Variants in RAVER1 observed in about 807,000 individuals in gnomAD.
The protein encoded by RAVER1 is ribonucleoprotein PTB-binding 1.
RAVER1 carries 36 observed loss-of-function variants against 68.4 expected under a neutral mutation model. The ratio of observed to expected loss-of-function variants is 0.53; its 90% CI spans 0.40 to 0.70. The LOEUF is 0.70. Ranked by LOEUF, RAVER1 falls within the 30% of genes least tolerant of loss-of-function variation. The probability of loss-of-function intolerance (pLI) is 0.00; values close to 1 mark genes in which losing one functional copy is unlikely to be tolerated. For synonymous variants in RAVER1, 469 were observed against 472.7 expected, an observed-to-expected ratio of 0.99 and a Z score of 0.10; for missense variants, 933 against 1,019.8, an observed-to-expected ratio of 0.91 and a Z score of 1.16.
At chr19:10,331,874 G>A (rs1013202491) in intron 1 of RAVER1, among the ~76,000 whole-genome samples, 1 of 152,110 alleles carries the variant, frequency 6.6e-6, no homozygotes, top group African/African-American at 2.4e-5. Context: ...GTTGGGCAGC[G>A]CAGCCACCCA....
In RAVER1 at chr19:10,328,080, C is replaced by T. The variant is rs1463356629; in HGVS notation, c.756+562G>A. ...AAAGCCTCAGTCTCTGACCTCAAGG[C>T]TCAAATAGACTGTGGGCTCCTCTGC... On this transcript the variant is annotated intron_variant, in intron 3 of 12. Transcript: ENST00000617231. The surrounding 1 kb of genome is among the most constrained non-coding windows in gnomAD (Gnocchi z 4.4). 6.6e-6 allele frequency among the ~76,000 whole-genome samples: 1 copy of T among 152,172 alleles called. No homozygotes were observed. The highest frequency in any genetic ancestry group is 1.5e-5 in the Non-Finnish European group (1 of 68,026).
chr19:10,320,798 G>C lies in RAVER1; in HGVS notation c.1627C>G (p.Pro543Ala), dbSNP rs763831915. 3 of 1,517,366 alleles carry C rather than the reference G, an allele frequency of 2.0e-6. No individual in the cohort carries two copies. Among genetic ancestry groups the C allele is most frequent in the African/African-American group, 2.9e-5 (2 of 69,088 alleles). 94.0% of individuals were successfully genotyped at this position (1,517,366 alleles called of 1,614,324 possible). Residue 543 changes from proline (P) to alanine (A), a missense_variant, in exon 9 of 13, where the codon CCA becomes GCA. Physicochemically the swap from Pro to Ala is conservative, Grantham distance 27. Around this residue, in one of 3 missense-constraint regions of RAVER1, gnomAD observed 699 missense variants for 731.1 expected, o/e 0.96. Coordinates refer to ENST00000617231, the MANE Select transcript of RAVER1 (RefSeq NM_133452.3). ...GRSRRPAEGPPTNPPAPGGGS... is the reference protein window; with the variant it reads ...GRSRRPAEGPATNPPAPGGGS... ...CCTCCAGGGGCTGGGGGGTTAGTTG[G>C]GGGGCCCTCAGCTGGGCGGCGGCTT... is the stretch of plus-strand genomic sequence containing the variant.
rs1440055682 is a variant in RAVER1, at chr19:10,322,168, C to G, written c.1173+477G>C. 5.9e-6 allele frequency: 1 copy of G among 169,164 alleles called. No individual in the cohort carries two copies. Among genetic ancestry groups the G allele is most frequent in the African/African-American group, 2.4e-5 (1 of 41,714 alleles). The allele number at this position is 169,164 out of a possible 1,614,324, so 10.5% of individuals were successfully genotyped here. ...CTTATGTCTTTGTGTGTCTATGTCT[C>G]TGTGTGTATATTTGCATCTTTGTAT... is the stretch of plus-strand genomic sequence containing the variant. On this transcript the variant is annotated intron_variant, in intron 6 of 12. Coordinates refer to ENST00000617231, the MANE Select transcript of RAVER1 (RefSeq NM_133452.3). This position sits in a 1 kb window ranked among gnomAD's most constrained non-coding sequence, Gnocchi z 4.3.
chr19:10,321,705 C>T (rs1264344278), intron 6 of RAVER1, 87 bp from the exon 7 acceptor site: 21 of 1,122,616 alleles, frequency 1.9e-5, no homozygotes, highest in Non-Finnish European at 2.0e-5. Context: ...GGCAGACACA[C>T]CCCAACTCCA....
rs369186240 is a variant in RAVER1, at chr19:10,330,451, C to T, written c.286+9G>A. 5 of 1,434,470 alleles carry T rather than the reference C, an allele frequency of 3.5e-6. No individual in the cohort carries two copies. The highest frequency in any genetic ancestry group is 4.8e-6 in the Non-Finnish European group (5 of 1,032,892). 88.9% of individuals were successfully genotyped at this position (1,434,470 alleles called of 1,614,324 possible). A position where few individuals can be genotyped will look rare whatever the true frequency, so the allele number is the denominator to read the frequency against. On this transcript the variant is annotated intron_variant, in intron 2 of 12. Coordinates refer to ENST00000617231, the MANE Select transcript of RAVER1 (RefSeq NM_133452.3). ...TCCCTGCCCTGGCCCGCCCCATGGC[C>T]CCACAAACCTGTCCCTTTGTATTTG... is the stretch of plus-strand genomic sequence containing the variant.
rs183433912 is a variant in RAVER1, at chr19:10,321,234, C to A, written c.1287G>T (p.Pro429=). Residue 429 remains proline, a synonymous_variant, in exon 8 of 13, where the codon CCG becomes CCT. Transcript: ENST00000617231. ...PAGGGLPPEL[P]PRRGKPPPLL... Reference sequence around the variant, plus strand: ...GGGGTGGTGGCTTCCCTCGCCGGGGCGGCAGCTCCGGGGGCAGGCCCCCTC... The same window carrying A: ...GGGGTGGTGGCTTCCCTCGCCGGGGAGGCAGCTCCGGGGGCAGGCCCCCTC... 9.4e-6 allele frequency: 12 copies of A among 1,269,888 alleles called. No homozygotes were observed. Among genetic ancestry groups the A allele is most frequent in the Non-Finnish European group, 1.2e-5 (12 of 1,004,752 alleles). 78.7% of individuals were successfully genotyped at this position (1,269,888 alleles called of 1,614,324 possible). A position where few individuals can be genotyped will look rare whatever the true frequency, so the allele number is the denominator to read the frequency against.
Position 10,319,174 on chromosome 19 carries a change from G to T in RAVER1, c.1837C>A (p.Arg613=). 15 of 1,613,816 alleles carry T rather than the reference G, an allele frequency of 9.3e-6. No homozygotes were observed. Among genetic ancestry groups the T allele is most frequent in the Non-Finnish European group, 1.3e-5 (15 of 1,179,754 alleles). ...TACCAGGTGGCTCTTACCTTGTGTC[G>T]GCTGGGTCCGTGAGGCCCAAGGGCT... ...EPALGPHGPS[R]HKMSPPPSGF... is the part of the protein sequence containing the mutation. Residue 613 remains arginine (R), a synonymous_variant, in exon 10 of 13, where the codon CGA becomes AGA. Transcript: ENST00000617231.
chr19:10,333,461 T>A lies in RAVER1; in HGVS notation c.47A>T (p.Lys16Met), dbSNP rs550910522. 1 of 1,611,808 alleles carries A rather than the reference T, an allele frequency of 6.2e-7. No homozygotes were observed. Among genetic ancestry groups the A allele is most frequent in the South Asian group, 1.1e-5 (1 of 91,064 alleles). The change falls in exon 1 of 13, where the codon AAG (lysine) becomes ATG (methionine). Residue 16 changes from lysine to methionine, a missense_variant. Lys to Met is a moderately conservative substitution (Grantham distance 95). Transcript: ENST00000617231. This position sits in a 1 kb window ranked among gnomAD's most constrained non-coding sequence, Gnocchi z 4.2. ...SVTHRPPLSP[K>M]SGAEVEAGDA... ...GCCGGCTTCGACTTCGGCCCCAGAC[T>A]TAGGGCTCAGCGGGGGCCGGTGAGT...
chr19:10,326,283 G>A (rs10451495), intron 3 of RAVER1, among the ~76,000 whole-genome samples: 3 of 152,294 alleles, frequency 2.0e-5, no homozygotes, highest in African/African-American at 7.2e-5. Context: ...ATAAAAGAAA[G>A]GTGAGGCCAT....
rs755219404 is a variant in RAVER1 at position 10,323,498 on chromosome 19, C to T, written c.825G>A (p.Ala275=). 5.0e-6 allele frequency: 8 copies of T among 1,609,434 alleles called. No individual in the cohort carries two copies. Among genetic ancestry groups the T allele is most frequent in the Admixed American group, 1.7e-5 (1 of 59,996 alleles). The change falls in exon 4 of 13, where the codon GCG becomes GCA. Residue 275 remains alanine, a synonymous_variant. Transcript: ENST00000617231. The surrounding 1 kb of genome is among the most constrained non-coding windows in gnomAD (Gnocchi z 6.2). ...AVLEYETAEM[A]EEAQQQADGL... is the part of the protein sequence containing the mutation. ...CGTCCGCCTGCTGCTGTGCCTCCTCCGCCATCTCAGCCGTCTCATACTCCA... is the reference window on the plus strand; with the variant it reads ...CGTCCGCCTGCTGCTGTGCCTCCTCTGCCATCTCAGCCGTCTCATACTCCA...
chr19:10,319,041 T>C, intron 10 of RAVER1, 125 bp downstream of exon 10: 3 of 854,232 alleles, frequency 3.5e-6, no homozygotes, highest in Non-Finnish European at 5.5e-6. Context: ...TGAGATCCTG[T>C]CTTAAAAAAA....
In RAVER1 at chr19:10,322,780, C is replaced by A; in HGVS notation, c.1079-41G>T. The A allele has an allele frequency of 8.4e-7, 1 of 1,193,532 alleles. No homozygotes were observed. The highest frequency in any genetic ancestry group is 1.1e-6 in the Non-Finnish European group (1 of 888,788). The allele number at this position is 1,193,532 out of a possible 1,614,324, so 73.9% of individuals were successfully genotyped here. A position where few individuals can be genotyped will look rare whatever the true frequency, so the allele number is the denominator to read the frequency against. On this transcript the variant is annotated intron_variant, in intron 5 of 12. Transcript: ENST00000617231. The surrounding 1 kb of genome is among the most constrained non-coding windows in gnomAD (Gnocchi z 4.3). Reference sequence around the variant, plus strand: ...GGAGGATGTGTGGGGGTCCCTGTGTCCTCCCTGCCCCACCTCACGAAACAC... The same window carrying A: ...GGAGGATGTGTGGGGGTCCCTGTGTACTCCCTGCCCCACCTCACGAAACAC...
intron 3 of RAVER1, among the ~76,000 whole-genome samples, chr19:10,327,247 G>A (rs370863911): frequency 8.5e-5 from 13 of 152,098 alleles, no homozygotes; most frequent in African/African-American, 2.9e-4. Flanking sequence ...CTGGGGGTCC[G>A]AGCCCAGGAC....
intron 1 of RAVER1, among the ~76,000 whole-genome samples, chr19:10,331,390 C>CAAAAAAA (rs1568314187): frequency 1.3e-4 from 4 of 31,752 alleles, no homozygotes; most frequent in African/African-American, 5.4e-4. Flanking sequence ...AAAATAACAA[C>CAAAAAAA]AACAAAAAAA....
In RAVER1 at chr19:10,323,005, G is replaced by T; in HGVS notation, c.1078+140C>A. 1.4e-6 allele frequency: 1 copy of T among 739,612 alleles called. No individual in the cohort carries two copies. Among genetic ancestry groups the T allele is most frequent in the Non-Finnish European group, 2.1e-6 (1 of 467,294 alleles). 45.8% of individuals were successfully genotyped at this position (739,612 alleles called of 1,614,324 possible). A position where few individuals can be genotyped will look rare whatever the true frequency, so the allele number is the denominator to read the frequency against. ...CCAGTTGTGGACAGCAGCAGCCCCC[G>T]CTATGACTCCATACTCCCCCTCGGC... On this transcript the variant is annotated intron_variant, in intron 5 of 12. Coordinates refer to ENST00000617231, the MANE Select transcript of RAVER1 (RefSeq NM_133452.3). This position sits in a 1 kb window ranked among gnomAD's most constrained non-coding sequence, Gnocchi z 6.2.
chr19:10,333,159 G>C lies in RAVER1; in HGVS notation c.219+130C>G. The C allele has an allele frequency of 1.2e-6, 1 of 868,144 alleles. No homozygotes were observed. The highest frequency in any genetic ancestry group is 1.8e-5 in the South Asian group (1 of 56,132). 53.8% of individuals were successfully genotyped at this position (868,144 alleles called of 1,614,324 possible). On this transcript the variant is annotated intron_variant, in intron 1 of 12. Transcript: ENST00000617231. This position sits in a 1 kb window ranked among gnomAD's most constrained non-coding sequence, Gnocchi z 4.2. ...CCCGCTCTTGGTCTCTCCCGATCCC[G>C]CGTGGATCCGGTGCTTGGGCGCCCC...
At position 10,330,651 on chromosome 19, in the gene RAVER1, G is replaced by T. The variant is rs895439419; in HGVS notation, c.220-125C>A. 7 of 619,150 alleles carry T rather than the reference G, an allele frequency of 1.1e-5. No individual in the cohort carries two copies. In the African/African-American group the frequency reaches 1.3e-4, roughly 12 times the overall value. 38.4% of individuals were successfully genotyped at this position (619,150 alleles called of 1,614,324 possible). ...TACCACCCCCCATTTTACCAATGAG[G>T]AAACTGAGGCTCGATGCAGTAATTT... On this transcript the variant is annotated intron_variant, in intron 1 of 12. Coordinates refer to ENST00000617231, the MANE Select transcript of RAVER1 (RefSeq NM_133452.3).
chr19:10,329,116 G>T lies in RAVER1; in HGVS notation c.287-5C>A. 1 of 1,454,176 alleles carries T rather than the reference G, an allele frequency of 6.9e-7. No individual in the cohort carries two copies. The highest frequency in any genetic ancestry group is 9.1e-7 in the Non-Finnish European group (1 of 1,096,720). 90.1% of individuals were successfully genotyped at this position (1,454,176 alleles called of 1,614,324 possible). The stretch of plus-strand genomic sequence containing the variant: ...CATTCAGCAGGGTCACGAAGGCTGC[G>T]GTGGGAGGAGGGCAGTGCGAGGTCA... On this transcript the variant is annotated splice_region_variant and splice_polypyrimidine_tract_variant and intron_variant, in intron 2 of 12. Coordinates refer to ENST00000617231, the MANE Select transcript of RAVER1 (RefSeq NM_133452.3). This position sits in a 1 kb window ranked among gnomAD's most constrained non-coding sequence, Gnocchi z 4.6.
chr19:10,322,535 C>T lies in RAVER1; in HGVS notation c.1173+110G>A, dbSNP rs1187294315. On this transcript the variant is annotated intron_variant, in intron 6 of 12. Transcript: ENST00000617231. This position sits in a 1 kb window ranked among gnomAD's most constrained non-coding sequence, Gnocchi z 4.3. The stretch of plus-strand genomic sequence containing the variant: ...GGGAGTCGCCCTCACCCTGGTTCTG[C>T]GCCCCCAGGGCACAGCCAGAGGTCC... 3.4e-5 allele frequency: 26 copies of T among 766,758 alleles called. No individual in the cohort carries two copies. The highest frequency in any genetic ancestry group is 1.3e-4 in the African/African-American group (7 of 52,968). The allele number at this position is 766,758 out of a possible 1,614,324, so 47.5% of individuals were successfully genotyped here.
Sources: allele counts gnomAD v4.1 joint callset (sites outside exome capture counted in the v4.1 genomes callset), GRCh38; gene constraint gnomAD v4.1.1; regional missense constraint gnomAD v4.1.1; non-coding constraint Gnocchi (gnomAD v3.1); transcripts MANE v1.5; gene names NCBI Gene and HGNC (gene_info 2026-07-23, HGNC 2026-07-21).